CYBRD1: variants seen among roughly 807,000 people sequenced by gnomAD.
CYBRD1 encodes cytochrome b reductase 1.
CYBRD1 carries 14 observed loss-of-function variants against 21.9 expected under a neutral mutation model. The ratio of observed to expected loss-of-function variants is 0.64; its 90% CI spans 0.42 to 1.00. The LOEUF is 1.00. Among genes scored for constraint, CYBRD1 ranks in the 50% least tolerant of loss-of-function variants. The pLI is 0.00. For missense variants in CYBRD1, 328 were observed against 352.5 expected (o/e 0.93, Z 0.56); for synonymous variants, 146 against 136.5 (o/e 1.07, Z -0.48).
At chr2:171,532,751 A>G (rs6734880) in intron 1 of CYBRD1, among the ~76,000 whole-genome samples, 42,707 of 151,938 alleles carry the variant, frequency 0.28, 6,321 homozygotes, top group South Asian at 0.38. Flanking sequence ...CAGTGAGCCA[A>G]GATCATGCCA....
At chr2:171,541,473 AG>A (rs1268680168) in intron 1 of CYBRD1, 111 bp from the exon 2 acceptor site, 2 of 1,055,678 alleles carry the variant, frequency 1.9e-6, no homozygotes, top group Admixed American at 1.9e-5. Flanking sequence ...GAGAAGCAAA[AG>A]CCAAGGGAAA....
At chr2:171,529,398 G>A (rs1697430762) in intron 1 of CYBRD1, among the ~76,000 whole-genome samples, 1 of 151,996 alleles carries the variant, frequency 6.6e-6, no homozygotes. Flanking sequence ...GGGCAGGGTG[G>A]TGCATACCTG....
At chr2:171,551,425 T>A (rs1205328854) in intron 2 of CYBRD1, among the ~76,000 whole-genome samples, 1 of 152,210 alleles carries the variant, frequency 6.6e-6, no homozygotes, top group African/African-American at 2.4e-5. Context: ...TAATAAAATA[T>A]GCAAACCAAC....
At chr2:171,525,947 T>TAAAAAAA (rs58388653) in intron 1 of CYBRD1, among the ~76,000 whole-genome samples, 1 of 61,954 alleles carries the variant, frequency 1.6e-5, no homozygotes, top group Non-Finnish European at 2.8e-5. Flanking sequence ...AACTCCCGTC[T>TAAAAAAA]AAAAAAAAAA....
chr2:171,543,023 G>A (rs1030523276), intron 2 of CYBRD1, among the ~76,000 whole-genome samples: 5 of 152,058 alleles, frequency 3.3e-5, no homozygotes, highest in African/African-American at 7.2e-5. Flanking sequence ...TAAGGGAACA[G>A]CAAAATATAC....
intron 1 of CYBRD1, among the ~76,000 whole-genome samples, chr2:171,528,755 A>C (rs536149454): frequency 6.6e-6 from 1 of 152,186 alleles, no homozygotes; most frequent in Non-Finnish European, 1.5e-5. Context: ...GGCATGTCCA[A>C]ATCTCAGCTC....
At chr2:171,531,689 G>A (rs1431086142) in intron 1 of CYBRD1, among the ~76,000 whole-genome samples, 4 of 152,106 alleles carry the variant, frequency 2.6e-5, no homozygotes, top group South Asian at 4.2e-4. Flanking sequence ...AGAGCTGGCT[G>A]GGACCTTAAG....
rs189272445 is a variant in CYBRD1 at position 171,527,884 on chromosome 2, T to C, written c.193+5146T>C. Among the ~76,000 whole-genome samples, 175 of 152,236 alleles carry C rather than the reference T, an allele frequency of 1.1e-3. 1 individual carries two copies. The highest frequency in any genetic ancestry group is 3.9e-3 in the African/African-American group (163 of 41,526). Reference sequence around the variant, plus strand: ...TGAAATTTTTGTCCATACCTGCAGTTTCTAGTTCCTTTCTTCCTGTTCTTT... The same window carrying C: ...TGAAATTTTTGTCCATACCTGCAGTCTCTAGTTCCTTTCTTCCTGTTCTTT... On this transcript the variant is annotated intron_variant, in intron 1 of 3. Coordinates refer to ENST00000321348, the MANE Select transcript of CYBRD1 (RefSeq NM_024843.4).
rs1349197682 is a variant in CYBRD1 at position 171,541,725 on chromosome 2, A to C, written c.334A>C (p.Asn112His). 6.2e-7 allele frequency: 1 copy of C among 1,613,918 alleles called. No homozygotes were observed. Among genetic ancestry groups the C allele is most frequent in the African/African-American group, 1.3e-5 (1 of 74,898 alleles). The change falls in exon 2 of 4, where the codon AAT becomes CAT. Residue 112 changes from asparagine to histidine, a missense_variant. Coordinates refer to ENST00000321348, the MANE Select transcript of CYBRD1 (RefSeq NM_024843.4). ...VAVFENHNVN[N>H]IANMYSLHSW... ...CGTGTTTGAGAACCACAATGTTAAC[A>C]ATATAGCCAATATGTACAGTCTGCA...
chr2:171,537,809 A>G (rs1697567234), intron 1 of CYBRD1, among the ~76,000 whole-genome samples: 1 of 152,236 alleles, frequency 6.6e-6, no homozygotes, highest in Non-Finnish European at 1.5e-5. Context: ...AGAGTTAACA[A>G]TAATATGCTA....
At chr2:171,523,546 G>A (rs1697342529) in intron 1 of CYBRD1, among the ~76,000 whole-genome samples, 1 of 152,216 alleles carries the variant, frequency 6.6e-6, no homozygotes, top group Admixed American at 6.5e-5. Flanking sequence ...GGTGGGAGAT[G>A]CCCGGAGAGG....
chr2:171,536,244 T>G (rs1290953121), intron 1 of CYBRD1, among the ~76,000 whole-genome samples: 1 of 151,240 alleles, frequency 6.6e-6, no homozygotes, highest in Non-Finnish European at 1.5e-5. Flanking sequence ...GTTCAAGCGA[T>G]TCTCTTGCCT....
intron 1 of CYBRD1, among the ~76,000 whole-genome samples, chr2:171,541,279 A>G (rs752083163): frequency 6.6e-6 from 1 of 152,148 alleles, no homozygotes; most frequent in African/African-American, 2.4e-5. Flanking sequence ...ACAGCATTTC[A>G]GTGAAAGAGT....
chr2:171,541,461 G>A (rs1697629670), intron 1 of CYBRD1, 124 bp from the exon 2 acceptor site: 3 of 888,904 alleles, frequency 3.4e-6, no homozygotes, highest in South Asian at 1.5e-5. Context: ...TGGGGAAGAG[G>A]GGAGAAGCAA....
rs372271042 is a variant in CYBRD1, at chr2:171,522,587, G to T, written c.42G>T (p.Gly14=). 5.6e-6 allele frequency: 9 copies of T among 1,611,668 alleles called. No individual in the cohort carries two copies. Among genetic ancestry groups the T allele is most frequent in the Non-Finnish European group, 7.6e-6 (9 of 1,179,288 alleles). Residue 14 remains glycine, a synonymous_variant, in exon 1 of 4, where the codon GGG becomes GGT. Transcript: ENST00000321348. This position sits in a 1 kb window ranked among gnomAD's most constrained non-coding sequence, Gnocchi z 4.3. The stretch of plus-strand genomic sequence containing the variant: ...ACTGGCGCTTCCTGGCGCTGCTGGG[G>T]TCGGCACTGCTCGTCGGCTTCCTGT... ...EGYWRFLALL[G]SALLVGFLSV... is the part of the protein sequence containing the mutation.
chr2:171,546,363 C>T (rs1697712856), intron 2 of CYBRD1, among the ~76,000 whole-genome samples: 1 of 152,188 alleles, frequency 6.6e-6, no homozygotes, highest in Non-Finnish European at 1.5e-5. Flanking sequence ...GGGCTTAGCA[C>T]ACTGGTATAA....
chr2:171,532,311 T>A (rs1434650550), intron 1 of CYBRD1, among the ~76,000 whole-genome samples: 1 of 152,230 alleles, frequency 6.6e-6, no homozygotes, highest in Non-Finnish European at 1.5e-5. Flanking sequence ...CATGTTTAAG[T>A]AGAATTCATA....
intron 2 of CYBRD1, among the ~76,000 whole-genome samples, chr2:171,545,545 ATTTTT>A (rs35880894): frequency 8.2e-6 from 1 of 121,582 alleles, no homozygotes; most frequent in Non-Finnish European, 1.7e-5. Context: ...CATGTGGCTA[ATTTTT>A]TTTTTTTTTT....
chr2:171,555,611 C>A lies in CYBRD1; in HGVS notation c.*784C>A, dbSNP rs1475898471. ...TAAGTAGCATACACTGCCCTACAAA[C>A]CTCAGAGAGCACTTTTCCCCAAGTT... On this transcript the variant is annotated 3_prime_UTR_variant, in exon 4 of 4. Transcript: ENST00000321348. 1 of 152,244 alleles carries A rather than the reference C, an allele frequency of 6.6e-6. No homozygotes were observed. The highest frequency in any genetic ancestry group is 1.5e-5 in the Non-Finnish European group (1 of 68,094). The allele number at this position is 152,244 out of a possible 1,614,324, so 9.4% of individuals were successfully genotyped here. A position where few individuals can be genotyped will look rare whatever the true frequency, so the allele number is the denominator to read the frequency against.
Sources: allele counts gnomAD v4.1 joint callset (sites outside exome capture counted in the v4.1 genomes callset), GRCh38; gene constraint gnomAD v4.1.1; non-coding constraint Gnocchi (gnomAD v3.1); transcripts MANE v1.5; gene names NCBI Gene and HGNC (gene_info 2026-07-23, HGNC 2026-07-21).